NME8: variants seen among roughly 807,000 people sequenced by gnomAD.
The protein encoded by NME8 is NME/NM23 family member 8, also known as protein NME8.
In NME8, 72 loss-of-function variants were observed where a neutral mutation model predicts 82.3. That is an observed-to-expected ratio of 0.87 (90% confidence interval 0.72 to 1.06). NME8 has a LOEUF of 1.06. Ranked by LOEUF, NME8 falls within the 50% of genes least tolerant of loss-of-function variation. NME8 has a pLI of 0.00. For missense variants in NME8, 712 were observed against 685.4 expected (o/e 1.04, Z -0.43); for synonymous variants, 267 against 228.5 (o/e 1.17, Z -1.52).
chr7:37,891,053 T>C (rs543614483), intron 15 of NME8, among the ~76,000 whole-genome samples: 1 of 152,130 alleles, frequency 6.6e-6, no homozygotes, highest in South Asian at 2.1e-4. Context: ...TTGGTCATTG[T>C]ATGTTCAATA....
Position 37,864,342 on chromosome 7 carries a change from T to G in NME8, c.455-6T>G, listed in dbSNP as rs749283857. ...AAATTCTGTCTTTTTCTAAATTTTT[T>G]TCCAGAGGAATTATACAGTATTGCT... is the stretch of plus-strand genomic sequence containing the variant. On this transcript the variant is annotated splice_polypyrimidine_tract_variant and splice_region_variant and intron_variant, in intron 8 of 17. Coordinates refer to ENST00000199447, the MANE Select transcript of NME8 (RefSeq NM_016616.5). 6.3e-7 allele frequency: 1 copy of G among 1,594,250 alleles called. No individual in the cohort carries two copies. Among genetic ancestry groups the G allele is most frequent in the South Asian group, 1.1e-5 (1 of 90,476 alleles).
At chr7:37,877,038 T>C (rs1257264380) in intron 12 of NME8, 31 bp downstream of exon 12, 3 of 1,560,276 alleles carry the variant, frequency 1.9e-6, no homozygotes, top group African/African-American at 2.7e-5. Context: ...TGTTTAAGTA[T>C]TTTATATAGA....
intron 12 of NME8, among the ~76,000 whole-genome samples, chr7:37,882,799 G>C (rs1454737919): frequency 6.6e-6 from 1 of 152,084 alleles, no homozygotes; most frequent in Non-Finnish European, 1.5e-5. Flanking sequence ...CTTCATACCT[G>C]TCACCAAATA....
chr7:37,861,907 A>T, intron 6 of NME8, 121 bp from the exon 7 acceptor site: 1 of 780,872 alleles, frequency 1.3e-6, no homozygotes, highest in South Asian at 1.4e-5. Context: ...CCATAGCTAA[A>T]AGAGGATTCA....
In NME8 at chr7:37,850,738, A is replaced by G; in HGVS notation, c.198+3A>G. The G allele has an allele frequency of 1.3e-6, 2 of 1,599,734 alleles. No homozygotes were observed. Among genetic ancestry groups the G allele is most frequent in the Non-Finnish European group, 1.7e-6 (2 of 1,167,434 alleles). ...ACGAAATTCTGCATTTTGCTGTCGT[A>G]AGAATTTTGTTTTCATTAAACCACT... is the stretch of plus-strand genomic sequence containing the variant. On this transcript the variant is annotated splice_donor_region_variant and intron_variant, in intron 5 of 17. Transcript: ENST00000199447.
At chr7:37,885,286 CG>C (rs1302282895) in intron 14 of NME8, 34 bp downstream of exon 14, 1 of 1,311,756 alleles carries the variant, frequency 7.6e-7, no homozygotes, top group Admixed American at 1.7e-5. Context: ...TATCTGTTTT[CG>C]TGGGCTCCAT....
intron 8 of NME8, among the ~76,000 whole-genome samples, 182 bp from the exon 9 acceptor site, chr7:37,864,166 C>T (rs1174491463): frequency 6.6e-6 from 1 of 152,184 alleles, no homozygotes; most frequent in Non-Finnish European, 1.5e-5. Flanking sequence ...AATATAGGAA[C>T]TGCCATTTGA....
intron 16 of NME8, among the ~76,000 whole-genome samples, chr7:37,895,431 A>G (rs1187981683): frequency 6.6e-6 from 1 of 152,094 alleles, no homozygotes; most frequent in Non-Finnish European, 1.5e-5. Context: ...ATTTTGAGAG[A>G]ACATAGGACC....
At chr7:37,885,099 T>G in intron 13 of NME8, 46 bp from the exon 14 acceptor site, 5 of 1,196,798 alleles carry the variant, frequency 4.2e-6, no homozygotes, top group Non-Finnish European at 6.2e-6. Context: ...AATTAGCTAC[T>G]GAGCTACACT....
intron 5 of NME8, among the ~76,000 whole-genome samples, chr7:37,854,571 G>A (rs1784484432): frequency 6.6e-6 from 1 of 152,174 alleles, no homozygotes; most frequent in Non-Finnish European, 1.5e-5. Flanking sequence ...CCATATCATA[G>A]AAGGGTCCAT....
chr7:37,894,488 G>C lies in NME8; in HGVS notation c.1422G>C (p.Lys474Asn), dbSNP rs1470635243. 1 of 1,613,024 alleles carries C rather than the reference G, an allele frequency of 6.2e-7. No individual in the cohort carries two copies. Among genetic ancestry groups the C allele is most frequent in the Non-Finnish European group, 8.5e-7 (1 of 1,179,328 alleles). ...TAGAGCAGATCCTGAAGATAGTTAA[G>C]GAGGCTGGATTTGATCTGACACAGG... Reference protein sequence around the residue: ...EQREQILKIVKEAGFDLTQVK... With the variant: ...EQREQILKIVNEAGFDLTQVK... The change falls in exon 16 of 18, where the codon AAG (lysine) becomes AAC (asparagine). Residue 474 changes from lysine (K) to asparagine (N), a missense_variant. Coordinates refer to ENST00000199447, the MANE Select transcript of NME8 (RefSeq NM_016616.5).
At chr7:37,869,602 G>A (rs997440906) in intron 11 of NME8, among the ~76,000 whole-genome samples, 59 of 152,282 alleles carry the variant, frequency 3.9e-4, no homozygotes, top group African/African-American at 1.3e-3. Flanking sequence ...AATGCCAGCA[G>A]CTCTCCCTCC....
At chr7:37,861,086 C>T (rs1164563221) in intron 6 of NME8, among the ~76,000 whole-genome samples, 1 of 152,166 alleles carries the variant, frequency 6.6e-6, no homozygotes, top group Non-Finnish European at 1.5e-5. Flanking sequence ...TTTTGCTCCC[C>T]CCAGCATTTT....
chr7:37,865,666 C>A (rs1267937916), intron 10 of NME8, 49 bp downstream of exon 10: 6 of 1,228,758 alleles, frequency 4.9e-6, no homozygotes, highest in Non-Finnish European at 7.2e-6. Flanking sequence ...AATACAGTGG[C>A]CTCCATAAGC....
At chr7:37,891,353 C>T (rs367854035) in intron 15 of NME8, among the ~76,000 whole-genome samples, 2 of 151,894 alleles carry the variant, frequency 1.3e-5, no homozygotes, top group East Asian at 3.9e-4. Flanking sequence ...ACTGCCGAGA[C>T]CAATGCTATG....
At chr7:37,862,588 A>G (rs946303875) in intron 7 of NME8, among the ~76,000 whole-genome samples, 3 of 152,064 alleles carry the variant, frequency 2.0e-5, no homozygotes, top group African/African-American at 7.2e-5. Context: ...ATTTGGATGA[A>G]TTAAAAAATC....
In NME8 at chr7:37,896,928, T is replaced by C. The variant is rs3213975; in HGVS notation, c.1603T>C (p.Leu535=). ...GAATGCTGTTGCAGAATGGAGACGA[T>C]TGATGGGCCCAACAGACCCAGAAGA... ...KWNAVAEWRR[L]MGPTDPEEAK... The change falls in exon 17 of 18, where the codon TTG becomes CTG. Residue 535 remains leucine (L), a synonymous_variant. Coordinates refer to ENST00000199447, the MANE Select transcript of NME8 (RefSeq NM_016616.5). 0.23 allele frequency: 374,766 copies of C among 1,613,196 alleles called. 44,033 individuals carry two copies. The highest frequency in any genetic ancestry group is 0.26 in the Admixed American group (15,359 of 59,952).
chr7:37,853,483 T>C (rs2131939858), intron 5 of NME8, among the ~76,000 whole-genome samples: 1 of 152,140 alleles, frequency 6.6e-6, no homozygotes, highest in East Asian at 1.9e-4. Context: ...TTGATAGAAG[T>C]TAAAATACAG....
chr7:37,888,461 A>C (rs1287780699), intron 15 of NME8, 33 bp downstream of exon 15: 3 of 1,585,796 alleles, frequency 1.9e-6, no homozygotes, highest in Non-Finnish European at 2.6e-6. Flanking sequence ...GAATGTATAC[A>C]TTTTCTCCAA....
Sources: gnomAD v4.1 joint callset for allele counts (sites outside exome capture counted in the v4.1 genomes callset) on GRCh38, gnomAD v4.1.1 for gene constraint, MANE v1.5 for transcripts, NCBI Gene and HGNC (gene_info 2026-07-23, HGNC 2026-07-21) for gene names.